STK33: variants seen among roughly 807,000 people sequenced by gnomAD.
The protein encoded by STK33 is serine/threonine-protein kinase 33.
In STK33, 52 loss-of-function variants were observed where a neutral mutation model predicts 58.0. That is an observed-to-expected ratio of 0.90 (90% CI 0.72 to 1.13). The LOEUF (loss-of-function observed/expected upper bound fraction) is 1.13, where lower values mean the gene tolerates loss of function less well. Among genes scored for constraint, STK33 ranks in the 50% most tolerant of loss-of-function variants. STK33 has a pLI of 0.00. For synonymous variants in STK33, 215 were observed against 200.1 expected (o/e 1.07, Z -0.63); for missense variants, 630 against 604.2 (o/e 1.04, Z -0.45).
At chr11:8,338,343 C>T in the STK33 span, among the ~76,000 whole-genome samples, 1 of 152,200 alleles carries the variant, frequency 6.6e-6, no homozygotes, top group Admixed American at 6.5e-5. Flanking sequence ...ATTCCCCGGG[C>T]CGGAGGTTTG....
chr11:8,483,687 G>T (rs890750571), intron 1 of STK33, among the ~76,000 whole-genome samples: 3 of 152,152 alleles, frequency 2.0e-5, no homozygotes, highest in African/African-American at 4.8e-5. Flanking sequence ...AGAGCATCAA[G>T]AATAGGCTCC....
chr11:8,513,669 C>CT (rs776079558), intron 1 of STK33, among the ~76,000 whole-genome samples: 10 of 151,326 alleles, frequency 6.6e-5, no homozygotes, highest in East Asian at 1.9e-4. Context: ...ATCACGGTAA[C>CT]TTTTTTTTTA....
chr11:8,580,703 G>C (rs1291886712), intron 1 of STK33: 1 of 152,104 alleles, frequency 6.6e-6, no homozygotes, highest in East Asian at 1.9e-4. Flanking sequence ...ACTATGCATT[G>C]CTTGCCTATA....
intron 1 of STK33, among the ~76,000 whole-genome samples, chr11:8,537,523 C>CT (rs1327153642): frequency 6.6e-6 from 1 of 152,146 alleles, no homozygotes; most frequent in Admixed American, 6.5e-5. Flanking sequence ...CTGTTACTGA[C>CT]TTTTCTCAAT....
At chr11:8,359,737 G>A in the STK33 span, among the ~76,000 whole-genome samples, 1 of 152,254 alleles carries the variant, frequency 6.6e-6, no homozygotes, top group Admixed American at 6.5e-5. Flanking sequence ...TTGAGGGGAT[G>A]TGGCCTGTGT....
chr11:8,352,086 G>A, the STK33 span, among the ~76,000 whole-genome samples: 1 of 152,322 alleles, frequency 6.6e-6, no homozygotes, highest in East Asian at 1.9e-4. Context: ...TGCCGTCAAA[G>A]CATCCCCTGG....
At chr11:8,452,168 A>C (rs555722159) in intron 11 of STK33, among the ~76,000 whole-genome samples, 6 of 152,128 alleles carry the variant, frequency 3.9e-5, no homozygotes, top group South Asian at 4.1e-4. Context: ...GCGCCACTGC[A>C]CTCCAGCTTG....
At chr11:8,515,169 C>G (rs535222915) in intron 1 of STK33, among the ~76,000 whole-genome samples, 1 of 152,070 alleles carries the variant, frequency 6.6e-6, no homozygotes, top group South Asian at 2.1e-4. Flanking sequence ...AATTGACAAA[C>G]TCTTAGCTAT....
chr11:8,369,295 C>CTGTGTGTGTG, the STK33 span, among the ~76,000 whole-genome samples: 10,410 of 137,596 alleles, frequency 0.076, 581 homozygotes, highest in East Asian at 0.26. Flanking sequence ...GGTTTTTACT[C>CTGTGTGTGTG]TGTGTGTGTG....
intron 14 of STK33, among the ~76,000 whole-genome samples, chr11:8,423,541 T>C (rs1178676497): frequency 6.6e-6 from 1 of 152,110 alleles, no homozygotes; most frequent in Non-Finnish European, 1.5e-5. Context: ...ATGCAGATAT[T>C]TAATCTTGTT....
Position 8,557,124 on chromosome 11 carries a change from G to A in STK33, c.-466+36959C>T, listed in dbSNP as rs747962799. ...AAATTAGCTGGCCATCATGGTGCATGCCTGTGGTCCCAGCTACTTGGGAGG... is the reference window on the plus strand; with the variant it reads ...AAATTAGCTGGCCATCATGGTGCATACCTGTGGTCCCAGCTACTTGGGAGG... On this transcript the variant is annotated intron_variant, in intron 1 of 15. Coordinates refer to ENST00000687296, the MANE Select transcript of STK33 (RefSeq NM_001352389.2). Among the ~76,000 whole-genome samples, 18 of 151,052 alleles carry A rather than the reference G, an allele frequency of 1.2e-4. No homozygotes were observed. The South Asian group carries it at 1.3e-3, about 11-fold the overall frequency.
intron 1 of STK33, among the ~76,000 whole-genome samples, chr11:8,547,962 T>C (rs924374134): frequency 1.3e-4 from 18 of 140,152 alleles, no homozygotes; most frequent in South Asian, 4.4e-4. Flanking sequence ...AACTGAACAA[T>C]GAGAACACTT....
chr11:8,586,944 C>T (rs1405203529), intron 1 of STK33, among the ~76,000 whole-genome samples: 1 of 151,764 alleles, frequency 6.6e-6, no homozygotes, highest in Non-Finnish European at 1.5e-5. Flanking sequence ...TAGTATCTGG[C>T]TCATAATTTA....
At chr11:8,348,951 T>G in the STK33 span, among the ~76,000 whole-genome samples, 1 of 152,226 alleles carries the variant, frequency 6.6e-6, no homozygotes, top group Non-Finnish European at 1.5e-5. Context: ...TTGTACCAGG[T>G]GTCTGACCTT....
rs1956450156 is a variant in STK33, at chr11:8,553,191, TA to T, written c.-466+40891del. ...AAATATATATATATATATATATATA[TA>T]TATATGGTGTATATATATATATATA... On this transcript the variant is annotated intron_variant, in intron 1 of 15. Coordinates refer to ENST00000687296, the MANE Select transcript of STK33 (RefSeq NM_001352389.2). Among the ~76,000 whole-genome samples the T allele has an allele frequency of 4.0e-5, 3 of 75,400 alleles. 1 individual carries two copies. The highest frequency in any genetic ancestry group is 7.0e-5 in the Non-Finnish European group (3 of 43,092). The allele number at this position is 75,400 out of a possible 152,430, so 49.5% of individuals were successfully genotyped here.
chr11:8,520,567 G>A (rs534542753), intron 1 of STK33, among the ~76,000 whole-genome samples: 1 of 152,306 alleles, frequency 6.6e-6, no homozygotes, highest in East Asian at 1.9e-4. Context: ...CCTGTTTGCA[G>A]ATGACATGAT....
chr11:8,521,943 G>T (rs1274315566), intron 1 of STK33, among the ~76,000 whole-genome samples: 1 of 152,156 alleles, frequency 6.6e-6, no homozygotes, highest in Non-Finnish European at 1.5e-5. Flanking sequence ...TCTCATGCCA[G>T]TTAGAATGGT....
At chr11:8,399,090 T>C (rs1178417725) in intron 15 of STK33, among the ~76,000 whole-genome samples, 1 of 152,174 alleles carries the variant, frequency 6.6e-6, no homozygotes, top group East Asian at 1.9e-4. Flanking sequence ...TATCCAGGAA[T>C]TGAACTCAGC....
chr11:8,505,762 A>C (rs1307752671), intron 1 of STK33, among the ~76,000 whole-genome samples: 21 of 152,216 alleles, frequency 1.4e-4, no homozygotes, highest in Admixed American at 1.2e-3. Context: ...GAAGCACTCT[A>C]TAAATGTGAA....
Sources: allele counts gnomAD v4.1 joint callset (sites outside exome capture counted in the v4.1 genomes callset), GRCh38; gene constraint gnomAD v4.1.1; transcripts MANE v1.5; gene names NCBI Gene and HGNC (gene_info 2026-07-23, HGNC 2026-07-21).